CLEC17A: variants seen among roughly 807,000 people sequenced by gnomAD.
CLEC17A encodes the protein C-type lectin domain containing 17A.
CLEC17A carries 37 observed loss-of-function variants against 61.3 expected under a neutral mutation model. The observed-to-expected ratio is 0.60, with a 90% confidence interval of 0.46 to 0.79. CLEC17A has a LOEUF of 0.79. Among genes scored for constraint, CLEC17A ranks in the 30% least tolerant of loss-of-function variants. CLEC17A has a pLI of 0.00. For synonymous variants in CLEC17A, 168 were observed against 164.9 expected (o/e 1.02, Z -0.14); for missense variants, 418 against 464.7 (o/e 0.90, Z 0.92).
Position 14,594,689 on chromosome 19 carries a change from G to A in CLEC17A, c.361+7G>A. 6.2e-7 allele frequency: 1 copy of A among 1,613,952 alleles called. No homozygotes were observed. Among genetic ancestry groups the A allele is most frequent in the East Asian group, 2.2e-5 (1 of 44,884 alleles). ...AAGCCCCGGAACATGACAGGTGAGAGCTGACAGTTGGAGTCTTCCTGCTCA... is the reference window on the plus strand; with the variant it reads ...AAGCCCCGGAACATGACAGGTGAGAACTGACAGTTGGAGTCTTCCTGCTCA... On this transcript the variant is annotated splice_region_variant and intron_variant, in intron 6 of 13. Coordinates refer to ENST00000417570, the MANE Select transcript of CLEC17A (RefSeq NM_001204118.2).
At chr19:14,607,933 C>T (rs1344166288) in intron 13 of CLEC17A, among the ~76,000 whole-genome samples, 1 of 152,052 alleles carries the variant, frequency 6.6e-6, no homozygotes, top group African/African-American at 2.4e-5. Context: ...TGCAGTGGTG[C>T]AATCTCGGCT....
chr19:14,598,590 C>T (rs1315480026), intron 10 of CLEC17A, among the ~76,000 whole-genome samples: 1 of 152,044 alleles, frequency 6.6e-6, no homozygotes, highest in Non-Finnish European at 1.5e-5. Flanking sequence ...TGTCCTGCCT[C>T]AGCCTCCTGA....
At position 14,605,757 on chromosome 19, in the gene CLEC17A, G is replaced by A. The variant is rs529120708; in HGVS notation, c.895-1236G>A. 6.8e-4 allele frequency among the ~76,000 whole-genome samples: 103 copies of A among 151,826 alleles called. 1 individual carries two copies. Among genetic ancestry groups the A allele is most frequent in the African/African-American group, 2.3e-3 (96 of 41,378 alleles). ...AGACCTGGGATTTTGACTTTTTTCC[G>A]GGACAGAGGCTTGCTCTGCTGCCCA... On this transcript the variant is annotated intron_variant, in intron 12 of 13. Coordinates refer to ENST00000417570, the MANE Select transcript of CLEC17A (RefSeq NM_001204118.2).
intron 10 of CLEC17A, among the ~76,000 whole-genome samples, chr19:14,598,371 C>A (rs2074607960): frequency 6.7e-6 from 1 of 149,322 alleles, no homozygotes; most frequent in African/African-American, 2.5e-5. Context: ...TCCTTCCTTT[C>A]TTCCTTCCTT....
intron 2 of CLEC17A, among the ~76,000 whole-genome samples, chr19:14,583,722 G>T (rs1431466539): frequency 6.6e-6 from 1 of 152,132 alleles, no homozygotes; most frequent in East Asian, 1.9e-4. Flanking sequence ...GGGCTTGAGG[G>T]ATGAGTAGAC....
intron 2 of CLEC17A, chr19:14,584,401 A>G (rs2146658831): frequency 6.6e-6 from 1 of 152,264 alleles, no homozygotes; most frequent in African/African-American, 2.4e-5. Flanking sequence ...CTTCTAAAAA[A>G]ATAGAGAAAA....
Position 14,611,371 on chromosome 19 carries a change from C to CTTT in CLEC17A, c.*1197_*1199dup, listed in dbSNP as rs71166767. On this transcript the variant is annotated 3_prime_UTR_variant, in exon 14 of 14. Transcript: ENST00000417570. ...AGACTTGGCCCGTGGAACTTCTATC[C>CTTT]TTTTTTTTTTTTTTTTTTTTTTTTG... Among the ~76,000 whole-genome samples, 42 of 75,948 alleles carry CTTT rather than the reference C, an allele frequency of 5.5e-4. No individual in the cohort carries two copies. Among genetic ancestry groups the CTTT allele is most frequent in the Admixed American group, 7.0e-4 (4 of 5,674 alleles). 49.8% of individuals were successfully genotyped at this position (75,948 alleles called of 152,430 possible). A position where few individuals can be genotyped will look rare whatever the true frequency, so the allele number is the denominator to read the frequency against.
chr19:14,597,061 C>A, intron 9 of CLEC17A, 38 bp from the exon 10 acceptor site: 1 of 1,611,874 alleles, frequency 6.2e-7, no homozygotes, highest in Non-Finnish European at 8.5e-7. Context: ...GGAGGGTGCA[C>A]AGGAGGACCT....
Position 14,594,556 on chromosome 19 carries a change from T to A in CLEC17A, c.310+7T>A. ...CCAAGACCTCCAAGGGCAGGTGAGTTGGGGCTGGGGGTGTAGGAGACCCAG... is the reference window on the plus strand; with the variant it reads ...CCAAGACCTCCAAGGGCAGGTGAGTAGGGGCTGGGGGTGTAGGAGACCCAG... On this transcript the variant is annotated splice_region_variant and intron_variant, in intron 5 of 13. Transcript: ENST00000417570. 1.2e-6 allele frequency: 2 copies of A among 1,610,208 alleles called. No homozygotes were observed. The highest frequency in any genetic ancestry group is 1.7e-6 in the Non-Finnish European group (2 of 1,178,536).
chr19:14,603,841 A>C (rs2074786028), intron 12 of CLEC17A, among the ~76,000 whole-genome samples: 1 of 152,144 alleles, frequency 6.6e-6, no homozygotes, highest in Non-Finnish European at 1.5e-5. Flanking sequence ...ACTATTCTAC[A>C]TATTGGGGAT....
intron 13 of CLEC17A, among the ~76,000 whole-genome samples, chr19:14,609,487 G>A (rs2074992445): frequency 6.6e-6 from 1 of 152,158 alleles, no homozygotes; most frequent in Admixed American, 6.6e-5. Context: ...GGTTGGGTTG[G>A]GAGGTTGTAA....
At chr19:14,607,473 G>C (rs954940131) in intron 13 of CLEC17A, among the ~76,000 whole-genome samples, 3 of 151,808 alleles carry the variant, frequency 2.0e-5, no homozygotes, top group East Asian at 1.9e-4. Flanking sequence ...AAAGTGCTGG[G>C]ATTACAGGCG....
chr19:14,587,838 G>C, intron 3 of CLEC17A, 147 bp downstream of exon 3: 1 of 1,501,580 alleles, frequency 6.7e-7, no homozygotes. Context: ...TGCCCAGGAG[G>C]ACCTGTCAGT....
intron 4 of CLEC17A, among the ~76,000 whole-genome samples, chr19:14,592,789 C>G (rs897133009): frequency 6.6e-6 from 1 of 152,086 alleles, no homozygotes; most frequent in Non-Finnish European, 1.5e-5. Context: ...CTCAGCCTCC[C>G]GATTAGCTGG....
intron 10 of CLEC17A, among the ~76,000 whole-genome samples, chr19:14,598,260 A>C (rs543607994): frequency 6.6e-6 from 1 of 152,044 alleles, no homozygotes; most frequent in Non-Finnish European, 1.5e-5. Context: ...GTTCAAGACC[A>C]GCCTGGGCAC....
rs1294599423 is a variant in CLEC17A at position 14,595,294 on chromosome 19, C to G, written c.424C>G (p.Pro142Ala). 1 of 1,613,972 alleles carries G rather than the reference C, an allele frequency of 6.2e-7. No homozygotes were observed. ...CCCAGCTGTGAATCTTGAGCCTTCT[C>G]CATTGCAGCCATCCCTGGCCGGTAA... is the stretch of plus-strand genomic sequence containing the variant. ...PQLAVNLEPS[P>A]LQPSLAATPV... The change falls in exon 8 of 14, where the codon CCA becomes GCA. Residue 142 changes from proline to alanine, a missense_variant. By Grantham distance (27) the Pro-to-Ala change is conservative (BLOSUM62 -1). Transcript: ENST00000417570.
At chr19:14,604,721 C>A (rs2074812120) in intron 12 of CLEC17A, among the ~76,000 whole-genome samples, 1 of 151,812 alleles carries the variant, frequency 6.6e-6, no homozygotes, top group Admixed American at 6.6e-5. Context: ...TGGGATCACA[C>A]CACTGCATTC....
chr19:14,583,504 G>T (rs1374767825), intron 2 of CLEC17A, 70 bp downstream of exon 2: 12 of 1,597,582 alleles, frequency 7.5e-6, no homozygotes, highest in Non-Finnish European at 9.4e-6. Context: ...CATTGGTTGG[G>T]CATTGTAGAC....
At chr19:14,607,193 G>A (rs2074901488) in intron 13 of CLEC17A, 91 bp downstream of exon 13, 1 of 483,552 alleles carries the variant, frequency 2.1e-6, no homozygotes, top group Non-Finnish European at 3.2e-6. Context: ...ATGGTTGAAG[G>A]AGTCAGGAGC....
Sources: allele counts gnomAD v4.1 joint callset (sites outside exome capture counted in the v4.1 genomes callset), GRCh38; gene constraint gnomAD v4.1.1; transcripts MANE v1.5; gene names NCBI Gene and HGNC (gene_info 2026-07-23, HGNC 2026-07-21).